The following FIRRM variants were observed in gnomAD, a reference collection of about 807,000 sequenced individuals.
FIRRM encodes the protein FIGNL1 interacting regulator of recombination and mitosis.
At chr1:169,802,586 C>T in the FIRRM span, 11 of 1,412,432 alleles carry the variant, frequency 7.8e-6, no homozygotes, top group South Asian at 1.2e-4. Context: ...AGTGATTTCT[C>T]TTATTCCTGT....
At chr1:169,830,404 T>C in the FIRRM span, 3 of 1,360,092 alleles carry the variant, frequency 2.2e-6, no homozygotes, top group East Asian at 6.9e-5. Context: ...CAGTAGATAA[T>C]TTTATAATTG....
At chr1:169,807,757 T>C in the FIRRM span, 3 of 1,536,416 alleles carry the variant, frequency 2.0e-6, no homozygotes, top group East Asian at 4.8e-5. Context: ...GTGTTACTTG[T>C]GGTGATTGTA....
chr1:169,796,615 A>G, the FIRRM span, among the ~76,000 whole-genome samples: 1 of 152,090 alleles, frequency 6.6e-6, no homozygotes, highest in East Asian at 1.9e-4. Flanking sequence ...AACCCTTATC[A>G]CCTCTCACTT....
chr1:169,848,192 G>C, the FIRRM span, among the ~76,000 whole-genome samples: 1 of 152,066 alleles, frequency 6.6e-6, no homozygotes, highest in Non-Finnish European at 1.5e-5. Context: ...TTTTAAAGAC[G>C]ATATTTTTGA....
At chr1:169,813,451 C>T in the FIRRM span, among the ~76,000 whole-genome samples, 1,501 of 152,302 alleles carry the variant, frequency 9.9e-3, 16 homozygotes, top group Middle Eastern at 0.017. Flanking sequence ...ACATATTACA[C>T]AAGTATCTAA....
the FIRRM span, among the ~76,000 whole-genome samples, chr1:169,790,710 A>G: frequency 1.3e-5 from 2 of 152,214 alleles, no homozygotes; most frequent in East Asian, 3.9e-4. Context: ...TCTCAAAATC[A>G]TTGAAACCAA....
the FIRRM span, among the ~76,000 whole-genome samples, chr1:169,784,414 T>C: frequency 9.9e-5 from 15 of 152,194 alleles, no homozygotes; most frequent in Admixed American, 9.8e-4. Flanking sequence ...TGCCTGGTCT[T>C]CTTCCTTGGG....
At chr1:169,843,620 T>C in the FIRRM span, 1 of 1,019,178 alleles carries the variant, frequency 9.8e-7, no homozygotes, top group African/African-American at 1.6e-5. Flanking sequence ...AGCTTGCTAT[T>C]ATTATTCTTA....
the FIRRM span, among the ~76,000 whole-genome samples, chr1:169,812,311 G>A: frequency 1.3e-5 from 2 of 152,198 alleles, no homozygotes; most frequent in East Asian, 3.8e-4. Flanking sequence ...GCCAGGAAAT[G>A]TTGTAGGTGC....
At chr1:169,817,565 T>C in the FIRRM span, among the ~76,000 whole-genome samples, 1 of 152,230 alleles carries the variant, frequency 6.6e-6, no homozygotes, top group Non-Finnish European at 1.5e-5. Context: ...TCATTTTATA[T>C]TTGACTATGC....
chr1:169,837,994 A>G, the FIRRM span, among the ~76,000 whole-genome samples: 1 of 151,606 alleles, frequency 6.6e-6, no homozygotes, highest in Non-Finnish European at 1.5e-5. Flanking sequence ...CTGGAGTGCA[A>G]TGGTGTGATC....
At chr1:169,853,589 G>A in the FIRRM span, 10 of 965,940 alleles carry the variant, frequency 1.0e-5, no homozygotes, top group Non-Finnish European at 1.3e-5. Context: ...ACTGGATAAT[G>A]AGCTCCTGGG....
chr1:169,819,950 C>T, the FIRRM span, among the ~76,000 whole-genome samples: 1 of 152,156 alleles, frequency 6.6e-6, no homozygotes, highest in Non-Finnish European at 1.5e-5. Context: ...AGGCAATTTC[C>T]ATTGTTCTTT....
the FIRRM span, chr1:169,792,547 A>C: frequency 6.8e-7 from 1 of 1,477,994 alleles, no homozygotes; most frequent in Non-Finnish European, 9.0e-7. Flanking sequence ...CCTTCTGTTT[A>C]TTTCATTTTG....
chr1:169,832,600 A>T, the FIRRM span: 8 of 920,260 alleles, frequency 8.7e-6, no homozygotes, highest in Admixed American at 4.4e-5. Flanking sequence ...ATTTTTAAAA[A>T]TTTATCTTAT....
chr1:169,820,483 C>T, the FIRRM span, among the ~76,000 whole-genome samples: 20 of 152,276 alleles, frequency 1.3e-4, no homozygotes, highest in Admixed American at 3.3e-4. Context: ...GTTAACATCC[C>T]GTAGTGCCAA....
the FIRRM span, chr1:169,852,664 GC>G: frequency 2.1e-6 from 2 of 954,916 alleles, no homozygotes; most frequent in South Asian, 3.3e-5. Flanking sequence ...GTTTTGGGGT[GC>G]ATCCTCCTAC....
the FIRRM span, among the ~76,000 whole-genome samples, chr1:169,807,485 A>G: frequency 2.0e-5 from 3 of 152,120 alleles, no homozygotes; most frequent in Admixed American, 6.5e-5. Context: ...CTAGACCACA[A>G]GTTTCATGCA....
the FIRRM span, among the ~76,000 whole-genome samples, chr1:169,824,520 A>G: frequency 1.6e-4 from 24 of 152,322 alleles, no homozygotes; most frequent in South Asian, 1.0e-3. Context: ...AAATTTCTAG[A>G]AAGAGTTGTC....
Sources: gnomAD v4.1 joint callset for allele counts (sites outside exome capture counted in the v4.1 genomes callset) on GRCh38, gnomAD v4.1.1 for gene constraint, MANE v1.5 for transcripts, NCBI Gene and HGNC (gene_info 2026-07-23, HGNC 2026-07-21) for gene names.